The following PTBP3 variants were observed in gnomAD, a reference collection of about 807,000 sequenced individuals.
PTBP3 encodes the protein polypyrimidine tract-binding protein 3.
A neutral mutation model predicts 58.7 loss-of-function variants in PTBP3; 20 were observed. The ratio of observed to expected loss-of-function variants is 0.34; its 90% CI spans 0.24 to 0.50. The LOEUF (loss-of-function observed/expected upper bound fraction) is 0.50, where lower values mean the gene tolerates loss of function less well. Ranked by LOEUF, PTBP3 falls within the 20% of genes least tolerant of loss-of-function variation. The pLI is 0.98. For synonymous variants in PTBP3, 185 were observed against 219.8 expected, an observed-to-expected ratio of 0.84 and a Z score of 1.40; for missense variants, 509 against 637.2, an observed-to-expected ratio of 0.80 and a Z score of 2.17.
chr9:112,346,469 C>A, the PTBP3 span, among the ~76,000 whole-genome samples: 12 of 152,028 alleles, frequency 7.9e-5, no homozygotes, highest in East Asian at 1.6e-3. Context: ...ACCTGGCCGG[C>A]AAATATAAAA....
At chr9:112,245,968 T>C (rs991129088) in intron 7 of PTBP3, among the ~76,000 whole-genome samples, 9 of 152,088 alleles carry the variant, frequency 5.9e-5, no homozygotes, top group Admixed American at 2.0e-4. Context: ...TGTGAGCCAC[T>C]GTGCTCAGTC....
intron 5 of PTBP3, among the ~76,000 whole-genome samples, chr9:112,258,736 G>T (rs1426994886): frequency 6.6e-6 from 1 of 152,060 alleles, no homozygotes; most frequent in Non-Finnish European, 1.5e-5. Context: ...AGCCTGTGTA[G>T]GTGGCCCGTA....
rs1014263603 is a variant in PTBP3 at position 112,219,570 on chromosome 9, G to C, written c.*4281C>G. 6.6e-6 allele frequency: 1 copy of C among 152,570 alleles called. No individual in the cohort carries two copies. The highest frequency in any genetic ancestry group is 1.5e-5 in the Non-Finnish European group (1 of 68,024). 9.5% of individuals were successfully genotyped at this position (152,570 alleles called of 1,614,324 possible). A position where few individuals can be genotyped will look rare whatever the true frequency, so the allele number is the denominator to read the frequency against. On this transcript the variant is annotated 3_prime_UTR_variant, in exon 14 of 14. Coordinates refer to ENST00000374257, the MANE Select transcript of PTBP3 (RefSeq NM_001163788.4). ...AAAGATTTTGAGCAGCTCTATTCTTGGACCTGCACAATGCTCTACAATGAA... is the reference window on the plus strand; with the variant it reads ...AAAGATTTTGAGCAGCTCTATTCTTCGACCTGCACAATGCTCTACAATGAA...
intron 3 of PTBP3, 32 bp downstream of exon 3, chr9:112,275,812 T>A: frequency 1.3e-6 from 2 of 1,531,146 alleles, no homozygotes; most frequent in Non-Finnish European, 1.8e-6. Context: ...CTGGAGATAA[T>A]CACTCTTTGT....
chr9:112,328,595 G>A (rs188597285), intron 1 of PTBP3, among the ~76,000 whole-genome samples: 2 of 152,322 alleles, frequency 1.3e-5, no homozygotes, highest in Non-Finnish European at 2.9e-5. Flanking sequence ...AGCACTTTGA[G>A]AGGCCAAGAG....
intron 7 of PTBP3, 64 bp downstream of exon 7, chr9:112,250,865 G>T (rs1471895796): frequency 7.2e-7 from 1 of 1,396,022 alleles, no homozygotes; most frequent in Non-Finnish European, 9.5e-7. Context: ...AACATACATG[G>T]CTTAATAAAT....
chr9:112,375,316 A>G, the PTBP3 span, among the ~76,000 whole-genome samples: 2 of 152,188 alleles, frequency 1.3e-5, no homozygotes, highest in Admixed American at 6.5e-5. Context: ...ACCGCCCATG[A>G]ATTAGTGTAT....
At chr9:112,326,330 T>C (rs996059834) in intron 1 of PTBP3, among the ~76,000 whole-genome samples, 2 of 152,192 alleles carry the variant, frequency 1.3e-5, no homozygotes, top group Non-Finnish European at 2.9e-5. Context: ...AGAGAGTAAG[T>C]ATTTTAGGCT....
the PTBP3 span, among the ~76,000 whole-genome samples, chr9:112,340,434 C>T: frequency 2.0e-5 from 3 of 152,082 alleles, no homozygotes; most frequent in Non-Finnish European, 2.9e-5. Context: ...CTATTCTCTC[C>T]AATCATAGTT....
At chr9:112,347,872 G>T in the PTBP3 span, among the ~76,000 whole-genome samples, 34 of 152,232 alleles carry the variant, frequency 2.2e-4, no homozygotes, top group African/African-American at 7.2e-4. Flanking sequence ...CTGGTTGTTG[G>T]TTTCACAGGT....
chr9:112,333,866 G>A (rs1830498674), upstream of PTBP3, among the ~76,000 whole-genome samples: 1 of 148,488 alleles, frequency 6.7e-6, no homozygotes, highest in Non-Finnish European at 1.5e-5. Flanking sequence ...CGGCGCGCGC[G>A]CGCGCCCCCA....
intron 2 of PTBP3, among the ~76,000 whole-genome samples, chr9:112,292,948 C>A (rs950228485): frequency 6.6e-6 from 1 of 151,848 alleles, no homozygotes. Context: ...CAAGCAAACA[C>A]GGTGAAACAC....
At chr9:112,320,773 C>T (rs973246313) in intron 1 of PTBP3, among the ~76,000 whole-genome samples, 10 of 152,226 alleles carry the variant, frequency 6.6e-5, no homozygotes, top group African/African-American at 2.4e-4. Context: ...AATAACAGTG[C>T]CAACACAATT....
Position 112,220,884 on chromosome 9 carries a change from T to G in PTBP3, c.*2967A>C. 4.1e-6 allele frequency: 4 copies of G among 969,760 alleles called. No individual in the cohort carries two copies. Among genetic ancestry groups the G allele is most frequent in the Non-Finnish European group, 4.9e-6 (4 of 815,814 alleles). 60.1% of individuals were successfully genotyped at this position (969,760 alleles called of 1,614,324 possible). A position where few individuals can be genotyped will look rare whatever the true frequency, so the allele number is the denominator to read the frequency against. ...ATACTCCTTAAAAATAAAATAAACT[T>G]AAAAATAGGATACTACGGTAGATCA... On this transcript the variant is annotated 3_prime_UTR_variant, in exon 14 of 14. Coordinates refer to ENST00000374257, the MANE Select transcript of PTBP3 (RefSeq NM_001163788.4).
intron 11 of PTBP3, among the ~76,000 whole-genome samples, chr9:112,228,057 A>G (rs546716296): frequency 3.3e-5 from 5 of 152,322 alleles, no homozygotes; most frequent in African/African-American, 1.2e-4. Context: ...CTCAGTGGTT[A>G]CAGAAAACTT....
the PTBP3 span, among the ~76,000 whole-genome samples, chr9:112,371,949 TG>T: frequency 6.6e-6 from 1 of 152,186 alleles, no homozygotes; most frequent in Non-Finnish European, 1.5e-5. Context: ...CATGTTCTGT[TG>T]CTTGACCTGG....
the PTBP3 span, among the ~76,000 whole-genome samples, chr9:112,347,375 CTG>C: frequency 9.0e-5 from 13 of 143,852 alleles, no homozygotes; most frequent in African/African-American, 3.4e-4. Flanking sequence ...GGGTCTCACT[CTG>C]TCACCCAGGC....
chr9:112,249,809 T>C (rs1411242356), intron 7 of PTBP3, among the ~76,000 whole-genome samples: 1 of 134,662 alleles, frequency 7.4e-6, no homozygotes, highest in East Asian at 2.0e-4. Context: ...TGGCAAACTT[T>C]AATTTGCCCC....
intron 10 of PTBP3, among the ~76,000 whole-genome samples, chr9:112,228,971 C>A (rs1211225537): frequency 6.6e-6 from 1 of 152,208 alleles, no homozygotes; most frequent in Non-Finnish European, 1.5e-5. Context: ...TTGATCCTAA[C>A]TCATCTTATT....
Sources: allele counts gnomAD v4.1 joint callset (sites outside exome capture counted in the v4.1 genomes callset), GRCh38; gene constraint gnomAD v4.1.1; transcripts MANE v1.5; gene names NCBI Gene and HGNC (gene_info 2026-07-23, HGNC 2026-07-21).